HOXC10: variants seen among roughly 807,000 people sequenced by gnomAD.
The protein encoded by HOXC10 is homeobox C10.
Under a neutral mutation model 26.0 loss-of-function variants are expected in HOXC10, and 15 were observed. That is an observed-to-expected ratio of 0.58 (90% CI 0.39 to 0.89). The LOEUF (loss-of-function observed/expected upper bound fraction) is 0.89, where lower values mean the gene tolerates loss of function less well. Ranked by LOEUF, HOXC10 falls within the 40% of genes least tolerant of loss-of-function variation. The probability of loss-of-function intolerance (pLI) is 0.00; values close to 1 mark genes in which losing one functional copy is unlikely to be tolerated. For synonymous variants in HOXC10, 196 were observed against 185.5 expected, an observed-to-expected ratio of 1.06 and a Z score of -0.46; for missense variants, 446 against 451.9, an observed-to-expected ratio of 0.99 and a Z score of 0.12.
In HOXC10 at chr12:53,985,718, G is replaced by C; in HGVS notation, c.459G>C (p.Pro153=). 1.2e-6 allele frequency: 2 copies of C among 1,610,908 alleles called. No individual in the cohort carries two copies. Among genetic ancestry groups the C allele is most frequent in the South Asian group, 1.1e-5 (1 of 91,026 alleles). The change falls in exon 1 of 2, where the codon CCG becomes CCC. Residue 153 remains proline, a synonymous_variant. Coordinates refer to ENST00000303460, the MANE Select transcript of HOXC10 (RefSeq NM_017409.4). ...TGCCCAGCTACTACCGCGCCAGCCC[G>C]AGCTACTCCGCGCTGGACAAGACGC... is the stretch of plus-strand genomic sequence containing the variant. The part of the protein sequence containing the change: ...VPVPSYYRAS[P]SYSALDKTPH...
Position 53,989,249 on chromosome 12 carries a change from C to T in HOXC10, c.832C>T (p.His278Tyr). 1.2e-6 allele frequency: 2 copies of T among 1,614,148 alleles called. No homozygotes were observed. The highest frequency in any genetic ancestry group is 8.5e-7 in the Non-Finnish European group (1 of 1,179,970). Residue 278 changes from histidine to tyrosine, a missense_variant, in exon 2 of 2, where the codon CAC (histidine) becomes TAC (tyrosine). His to Tyr is a moderately conservative substitution (Grantham distance 83). Coordinates refer to ENST00000303460, the MANE Select transcript of HOXC10 (RefSeq NM_017409.4). Reference protein sequence around the residue: ...GRKKRCPYTKHQTLELEKEFL... With the variant: ...GRKKRCPYTKYQTLELEKEFL... ...GAAGAAGAGGTGCCCCTATACTAAA[C>T]ACCAGACGCTGGAATTGGAGAAAGA...
rs1313840464 is a variant in HOXC10, at chr12:53,985,297, C to T, written c.38C>T (p.Ala13Val). Residue 13 changes from alanine (A) to valine (V), a missense_variant, in exon 1 of 2, where the codon GCG becomes GTG. Physicochemically the swap from Ala to Val is moderately conservative, Grantham distance 64. Transcript: ENST00000303460. The part of the protein sequence containing the change: ...CPRNVTPNSY[A>V]EPLAAPGGGE... ...CGCAATGTAACTCCGAACTCGTACGCGGAGCCCTTGGCTGCGCCCGGCGGA... is the reference window on the plus strand; with the variant it reads ...CGCAATGTAACTCCGAACTCGTACGTGGAGCCCTTGGCTGCGCCCGGCGGA... 6.3e-7 allele frequency: 1 copy of T among 1,585,950 alleles called. No homozygotes were observed. Among genetic ancestry groups the T allele is most frequent in the Admixed American group, 1.8e-5 (1 of 54,326 alleles).
chr12:53,988,358 C>T (rs1028951963), intron 1 of HOXC10, among the ~76,000 whole-genome samples: 1 of 152,188 alleles, frequency 6.6e-6, no homozygotes, highest in African/African-American at 2.4e-5. Context: ...TGTGTACTTG[C>T]AGGCATACAC....
At position 53,989,784 on chromosome 12, in the gene HOXC10, C is replaced by T. The variant is rs1037099375; in HGVS notation, c.*338C>T. 7.6e-6 allele frequency: 2 copies of T among 262,522 alleles called. No homozygotes were observed. Among genetic ancestry groups the T allele is most frequent in the African/African-American group, 2.2e-5 (1 of 45,148 alleles). 16.3% of individuals were successfully genotyped at this position (262,522 alleles called of 1,614,324 possible). ...ATGCAAAGTTAAGATCGAATCCATC[C>T]GCTTGTAGGGGAAAAAAAGGAAAAA... On this transcript the variant is annotated 3_prime_UTR_variant, in exon 2 of 2. Transcript: ENST00000303460.
rs1939406988 is a variant in HOXC10 at position 53,985,161 on chromosome 12, C to T, written c.-99C>T. On this transcript the variant is annotated 5_prime_UTR_variant, in exon 1 of 2. Transcript: ENST00000303460. Reference sequence around the variant, plus strand: ...TTCCCCCCCTCCCCTTCTTTTTCCTCCCTCCCCTCCAACCGCGCCCCCCCT... The same window carrying T: ...TTCCCCCCCTCCCCTTCTTTTTCCTTCCTCCCCTCCAACCGCGCCCCCCCT... 4.5e-5 allele frequency: 17 copies of T among 377,806 alleles called. No individual in the cohort carries two copies. The highest frequency in any genetic ancestry group is 1.5e-4 in the South Asian group (4 of 27,258). The allele number at this position is 377,806 out of a possible 1,614,324, so 23.4% of individuals were successfully genotyped here.
chr12:53,988,916 A>G (rs1256365990), intron 1 of HOXC10, among the ~76,000 whole-genome samples: 4 of 152,242 alleles, frequency 2.6e-5, no homozygotes, highest in Non-Finnish European at 5.9e-5. Context: ...CTTTTAGATT[A>G]AGGTGGACTT....
In HOXC10 at chr12:53,985,280, A is replaced by G. The variant is rs1162115648; in HGVS notation, c.21A>G (p.Val7=). Reference sequence around the variant, plus strand: ...TGAAAATGACATGCCCTCGCAATGTAACTCCGAACTCGTACGCGGAGCCCT... The same window carrying G: ...TGAAAATGACATGCCCTCGCAATGTGACTCCGAACTCGTACGCGGAGCCCT... MTCPRN[V]TPNSYAEPLA... Residue 7 remains valine (V), a synonymous_variant, in exon 1 of 2, where the codon GTA becomes GTG. Coordinates refer to ENST00000303460, the MANE Select transcript of HOXC10 (RefSeq NM_017409.4). 6.4e-7 allele frequency: 1 copy of G among 1,565,676 alleles called. No homozygotes were observed. Among genetic ancestry groups the G allele is most frequent in the African/African-American group, 1.4e-5 (1 of 72,982 alleles).
intron 1 of HOXC10, 166 bp downstream of exon 1, chr12:53,986,176 G>A (rs951191531): frequency 8.0e-6 from 6 of 751,600 alleles, no homozygotes; most frequent in African/African-American, 1.8e-5. Flanking sequence ...CTGGTGGCGC[G>A]TCACTTAGCT....
At chr12:53,986,343 A>C in intron 1 of HOXC10, 8 of 227,348 alleles carry the variant, frequency 3.5e-5, no homozygotes, top group Non-Finnish European at 3.4e-5. Context: ...TGCTTTCTCA[A>C]TGCTGGTGTC....
Position 53,985,758 on chromosome 12 carries a change from G to C in HOXC10, c.499G>C (p.Ala167Pro), listed in dbSNP as rs1253912702. The change falls in exon 1 of 2, where the codon GCC (alanine) becomes CCC (proline). Residue 167 changes from alanine (A) to proline (P), a missense_variant. By Grantham distance (27) the Ala-to-Pro change is conservative. Coordinates refer to ENST00000303460, the MANE Select transcript of HOXC10 (RefSeq NM_017409.4). ...ALDKTPHCSG[A>P]NDFEAPFEQR... is the part of the protein sequence containing the mutation. The stretch of plus-strand genomic sequence containing the variant: ...GGACAAGACGCCCCACTGTTCTGGG[G>C]CCAACGACTTCGAAGCCCCTTTCGA... 1 of 1,613,636 alleles carries C rather than the reference G, an allele frequency of 6.2e-7. No individual in the cohort carries two copies.
chr12:53,985,877 C>T lies in HOXC10; in HGVS notation c.618C>T (p.Ser206=). The part of the protein sequence containing the change: ...VSFPETPKSD[S]QTPSPNEIKT... ...TCCCTGAGACCCCCAAGTCCGACAG[C>T]CAGACCCCCAGCCCCAATGAAATCA... The change falls in exon 1 of 2, where the codon AGC becomes AGT. Residue 206 remains serine (S), a synonymous_variant. Transcript: ENST00000303460. 6.2e-7 allele frequency: 1 copy of T among 1,613,910 alleles called. No homozygotes were observed. The highest frequency in any genetic ancestry group is 8.5e-7 in the Non-Finnish European group (1 of 1,180,016).
rs764239602 is a variant in HOXC10 at position 53,985,305 on chromosome 12, T to C, written c.46T>C (p.Leu16=). Residue 16 remains leucine, a synonymous_variant, in exon 1 of 2, where the codon TTG becomes CTG. Transcript: ENST00000303460. ...AACTCCGAACTCGTACGCGGAGCCCTTGGCTGCGCCCGGCGGAGGAGAGCG... is the reference window on the plus strand; with the variant it reads ...AACTCCGAACTCGTACGCGGAGCCCCTGGCTGCGCCCGGCGGAGGAGAGCG... ...NVTPNSYAEP[L]AAPGGGERYS... The C allele has an allele frequency of 6.3e-7, 1 of 1,593,120 alleles. No individual in the cohort carries two copies. Among genetic ancestry groups the C allele is most frequent in the Non-Finnish European group, 8.5e-7 (1 of 1,170,812 alleles).
rs763778023 is a variant in HOXC10, at chr12:53,989,258, C to T, written c.841C>T (p.Leu281=). The T allele has an allele frequency of 3.2e-5, 52 of 1,614,020 alleles. No homozygotes were observed. Among genetic ancestry groups the T allele is most frequent in the Non-Finnish European group, 4.2e-5 (50 of 1,179,980 alleles). The change falls in exon 2 of 2, where the codon CTG becomes TTG. Residue 281 remains leucine (L), a synonymous_variant. Transcript: ENST00000303460. The stretch of plus-strand genomic sequence containing the variant: ...GTGCCCCTATACTAAACACCAGACG[C>T]TGGAATTGGAGAAAGAATTTCTGTT... ...KRCPYTKHQT[L]ELEKEFLFNM...
Position 53,985,176 on chromosome 12 carries a change from G to A in HOXC10, c.-84G>A. ...TCTTTTTCCTCCCTCCCCTCCAACC[G>A]CGCCCCCCCTCCCGGATGGGGAAAA... On this transcript the variant is annotated 5_prime_UTR_variant, in exon 1 of 2. Transcript: ENST00000303460. 2 of 588,662 alleles carry A rather than the reference G, an allele frequency of 3.4e-6. No homozygotes were observed. The highest frequency in any genetic ancestry group is 1.1e-4 in the South Asian group (2 of 17,396). The allele number at this position is 588,662 out of a possible 1,614,324, so 36.5% of individuals were successfully genotyped here. A position where few individuals can be genotyped will look rare whatever the true frequency, so the allele number is the denominator to read the frequency against.
chr12:53,985,950 GA>G lies in HOXC10; in HGVS notation c.695del (p.Lys232ArgfsTer22). On this transcript the variant is annotated frameshift_variant, in exon 1 of 2. Transcript: ENST00000303460. LOFTEE classifies it high-confidence loss of function. ...AGPKGSPSESEKERAKAADSS... is the reference protein window; with the variant it reads ...AGPKGSPSESXKERAKAADSS... The stretch of plus-strand genomic sequence containing the variant: ...CCCTAAAGGGAGCCCCTCGGAGAGC[GA>G]AAAGGAGAGGGCCAAAGCTGCCGAC... The G allele has an allele frequency of 6.2e-7, 1 of 1,610,918 alleles. No homozygotes were observed. The highest frequency in any genetic ancestry group is 8.5e-7 in the Non-Finnish European group (1 of 1,178,798).
In HOXC10 at chr12:53,985,519, G is replaced by T. The variant is rs1291340259; in HGVS notation, c.260G>T (p.Arg87Leu). ...TGGGGCGACCCCAAAGCCGCCTATCGCCTGGAACAACCTGTTGGCAGGCCG... is the reference window on the plus strand; with the variant it reads ...TGGGGCGACCCCAAAGCCGCCTATCTCCTGGAACAACCTGTTGGCAGGCCG... ...DSWGDPKAAY[R>L]LEQPVGRPLS... The change falls in exon 1 of 2, where the codon CGC becomes CTC. Residue 87 changes from arginine to leucine, a missense_variant. Coordinates refer to ENST00000303460, the MANE Select transcript of HOXC10 (RefSeq NM_017409.4). The T allele has an allele frequency of 3.1e-6, 5 of 1,613,866 alleles. No homozygotes were observed. Among genetic ancestry groups the T allele is most frequent in the East Asian group, 2.2e-5 (1 of 44,872 alleles).
Position 53,985,393 on chromosome 12 carries a change from G to A in HOXC10, c.134G>A (p.Arg45Lys), listed in dbSNP as rs1245618029. The A allele has an allele frequency of 1.2e-6, 2 of 1,613,766 alleles. No individual in the cohort carries two copies. Among genetic ancestry groups the A allele is most frequent in the Admixed American group, 1.7e-5 (1 of 60,034 alleles). Residue 45 changes from arginine (R) to lysine (K), a missense_variant, in exon 1 of 2, where the codon AGG (arginine) becomes AAG (lysine). Arg to Lys is a conservative substitution (Grantham distance 26). Transcript: ENST00000303460. ...AGTGACTTCAATTGCGGGGTGATGAGGGGCTGCGGGCTCGCGCCCTCGCTC... is the reference window on the plus strand; with the variant it reads ...AGTGACTTCAATTGCGGGGTGATGAAGGGCTGCGGGCTCGCGCCCTCGCTC... ...SGSDFNCGVMRGCGLAPSLSK... is the reference protein window; with the variant it reads ...SGSDFNCGVMKGCGLAPSLSK...
intron 1 of HOXC10, among the ~76,000 whole-genome samples, chr12:53,987,865 G>C (rs540287808): frequency 3.4e-4 from 52 of 152,294 alleles, no homozygotes; most frequent in Admixed American, 3.2e-3. Flanking sequence ...GACGTAGTTA[G>C]ATGTGGAGAG....
At chr12:53,988,990 A>G (rs1939476323) in intron 1 of HOXC10, among the ~76,000 whole-genome samples, 179 bp from the exon 2 acceptor site, 1 of 152,200 alleles carries the variant, frequency 6.6e-6, no homozygotes, top group African/African-American at 2.4e-5. Context: ...CCCTAAGTCT[A>G]AACCCCAAAG....
Sources: gnomAD v4.1 joint callset for allele counts (sites outside exome capture counted in the v4.1 genomes callset) on GRCh38, gnomAD v4.1.1 for gene constraint, MANE v1.5 for transcripts, NCBI Gene and HGNC (gene_info 2026-07-23, HGNC 2026-07-21) for gene names.